Variants in MAPT observed in about 807,000 individuals in gnomAD.
MAPT encodes microtubule-associated protein tau.
A neutral mutation model predicts 67.9 loss-of-function variants in MAPT; 34 were observed. The ratio of observed to expected loss-of-function variants is 0.50; its 90% CI spans 0.38 to 0.67. MAPT has a LOEUF of 0.67. MAPT is among the 30% of genes least tolerant of loss of function. The pLI is 0.00. For missense variants in MAPT, 881 were observed against 1,115.2 expected, an observed-to-expected ratio of 0.79 and a Z score of 2.99; for synonymous variants, 456 against 464.5, an observed-to-expected ratio of 0.98 and a Z score of 0.23.
chr17:46,019,314 G>C (rs1023651819), intron 12 of MAPT, among the ~76,000 whole-genome samples: 1 of 152,096 alleles, frequency 6.6e-6, no homozygotes, highest in Non-Finnish European at 1.5e-5. Context: ...CTCCCACTGG[G>C]TCCCTCCCAT....
Position 45,996,381 on chromosome 17 carries a change from C to T in MAPT, c.1733-18C>T. On this transcript the variant is annotated intron_variant, in intron 8 of 12. Transcript: ENST00000262410. The surrounding 1 kb of genome is among the most constrained non-coding windows in gnomAD (Gnocchi z 4.5). ...CACCCACTCGAGTCCTGGCTTCACTCCCTTCCTTCCTTCCCAGGTGAACCT... is the reference window on the plus strand; with the variant it reads ...CACCCACTCGAGTCCTGGCTTCACTTCCTTCCTTCCTTCCCAGGTGAACCT... The T allele has an allele frequency of 1.2e-6, 2 of 1,609,552 alleles. No homozygotes were observed. The highest frequency in any genetic ancestry group is 1.7e-6 in the Non-Finnish European group (2 of 1,179,724).
At chr17:46,000,665 A>C (rs879369104) in intron 9 of MAPT, among the ~76,000 whole-genome samples, 1 of 152,010 alleles carries the variant, frequency 6.6e-6, no homozygotes, top group Admixed American at 6.5e-5. Flanking sequence ...CCTGGCTGAG[A>C]CTCAGTGGCC....
chr17:45,945,005 CTT>C (rs2068340847), intron 1 of MAPT, among the ~76,000 whole-genome samples: 1 of 152,230 alleles, frequency 6.6e-6, no homozygotes, highest in East Asian at 1.9e-4. Flanking sequence ...CTCAGCCTCT[CTT>C]TGCCTTGGTT....
intron 1 of MAPT, among the ~76,000 whole-genome samples, chr17:45,919,542 T>G (rs55760800): frequency 0.14 from 21,848 of 152,254 alleles, 2,144 homozygotes; most frequent in Middle Eastern, 0.22. Flanking sequence ...TTTACATGTT[T>G]CTACCTTCCC....
chr17:45,950,610 A>G (rs1039319604), intron 1 of MAPT, among the ~76,000 whole-genome samples: 2 of 152,262 alleles, frequency 1.3e-5, no homozygotes, highest in South Asian at 2.1e-4. Context: ...AAAAGTCACA[A>G]TAAAAAGGTC....
In MAPT at chr17:45,962,379, C is replaced by T. The variant is rs759306195; in HGVS notation, c.42C>T (p.His14=). 41 of 1,612,444 alleles carry T rather than the reference C, an allele frequency of 2.5e-5. No homozygotes were observed. The highest frequency in any genetic ancestry group is 2.0e-4 in the Middle Eastern group (1 of 4,906). Residue 14 remains histidine (H), a synonymous_variant, in exon 2 of 13, where the codon CAC becomes CAT. Transcript: ENST00000262410. The part of the protein sequence containing the change: ...PRQEFEVMED[H]AGTYGLGDRK... ...AGGAGTTCGAAGTGATGGAAGATCA[C>T]GCTGGGACGTACGGGTTGGGGGACA...
At position 45,915,161 on chromosome 17, in the gene MAPT, G is replaced by A. The variant is rs1343773014; in HGVS notation, c.-18+20475G>A. 6.6e-6 allele frequency among the ~76,000 whole-genome samples: 1 copy of A among 152,134 alleles called. No homozygotes were observed. The highest frequency in any genetic ancestry group is 1.5e-5 in the Non-Finnish European group (1 of 68,030). ...ATGACGAATGTCCCTGGTCACAAAA[G>A]CTCTGATCTGGCCTAACCCTGTCAT... On this transcript the variant is annotated intron_variant, in intron 1 of 12. Coordinates refer to ENST00000262410, the MANE Select transcript of MAPT (RefSeq NM_001377265.1). The surrounding 1 kb of genome is among the most constrained non-coding windows in gnomAD (Gnocchi z 4.4).
intron 1 of MAPT, among the ~76,000 whole-genome samples, chr17:45,937,328 C>T (rs1164850721): frequency 6.6e-6 from 1 of 152,134 alleles, no homozygotes; most frequent in Admixed American, 6.5e-5. Flanking sequence ...TGGCTCATGC[C>T]TGCAATCCTA....
intron 1 of MAPT, among the ~76,000 whole-genome samples, chr17:45,954,020 G>C (rs761683128): frequency 5.9e-5 from 9 of 151,660 alleles, no homozygotes; most frequent in Non-Finnish European, 1.2e-4. Context: ...CTTTTTTTTC[G>C]ATCGAAGAAA....
chr17:46,011,783 G>A (rs1186128809), intron 10 of MAPT, among the ~76,000 whole-genome samples: 2 of 152,118 alleles, frequency 1.3e-5, no homozygotes, highest in East Asian at 1.9e-4. Flanking sequence ...GCAGCCACCC[G>A]CATCCAGCCC....
At chr17:45,922,163 GCAC>G (rs1568167283) in intron 1 of MAPT, among the ~76,000 whole-genome samples, 2 of 151,884 alleles carry the variant, frequency 1.3e-5, no homozygotes, top group African/African-American at 4.8e-5. Context: ...CAAGCATGCA[GCAC>G]CACACCTGGC....
At chr17:45,899,061 C>T (rs533671470) in intron 1 of MAPT, among the ~76,000 whole-genome samples, 7 of 152,236 alleles carry the variant, frequency 4.6e-5, no homozygotes, top group African/African-American at 9.6e-5. Context: ...CAGCAGGTGA[C>T]GGGAAGAGAA....
At chr17:45,914,448 C>T (rs544162143) in intron 1 of MAPT, among the ~76,000 whole-genome samples, 4 of 152,192 alleles carry the variant, frequency 2.6e-5, no homozygotes, top group Non-Finnish European at 5.9e-5. Flanking sequence ...CGGAATGGAG[C>T]GGTCCGTCTG....
At chr17:45,940,223 C>T (rs189799677) in intron 1 of MAPT, among the ~76,000 whole-genome samples, 12 of 152,304 alleles carry the variant, frequency 7.9e-5, no homozygotes, top group Admixed American at 1.3e-4. Flanking sequence ...CTGTTTTCTG[C>T]GTTAATCTGG....
intron 8 of MAPT, chr17:45,993,935 G>T: frequency 6.3e-7 from 1 of 1,575,432 alleles, no homozygotes; most frequent in Non-Finnish European, 8.6e-7. Flanking sequence ...GACTAAGCAA[G>T]TCCAGAGAAG....
At chr17:46,014,371 G>A (rs775645355) in intron 11 of MAPT, 47 bp downstream of exon 11, 2 of 1,360,514 alleles carry the variant, frequency 1.5e-6, no homozygotes, top group African/African-American at 2.9e-5. Flanking sequence ...TGCAGGGGGT[G>A]GAGGAGTCCT....
rs1003944284 is a variant in MAPT, at chr17:45,897,095, G to A, written c.-18+2409G>A. On this transcript the variant is annotated intron_variant, in intron 1 of 12. Coordinates refer to ENST00000262410, the MANE Select transcript of MAPT (RefSeq NM_001377265.1). This position sits in a 1 kb window ranked among gnomAD's most constrained non-coding sequence, Gnocchi z 5.0. The stretch of plus-strand genomic sequence containing the variant: ...CTGGGTACTGCGAGGCTCCTCGCAT[G>A]GCTGGGCCCGCCGCGAGGGGTTGCA... 6.6e-6 allele frequency: 1 copy of A among 152,320 alleles called. No individual in the cohort carries two copies. Among genetic ancestry groups the A allele is most frequent in the Admixed American group, 6.5e-5 (1 of 15,284 alleles). 9.4% of individuals were successfully genotyped at this position (152,320 alleles called of 1,614,324 possible).
intron 9 of MAPT, among the ~76,000 whole-genome samples, chr17:46,009,209 AAAAAC>A (rs1390500729): frequency 6.6e-6 from 1 of 152,136 alleles, no homozygotes; most frequent in African/African-American, 2.4e-5. Context: ...CACAAAGAAA[AAAAAC>A]AAAACAAAAA....
Position 45,949,798 on chromosome 17 carries a change from G to A in MAPT, c.-17-12523G>A, listed in dbSNP as rs557926722. On this transcript the variant is annotated intron_variant, in intron 1 of 12. Coordinates refer to ENST00000262410, the MANE Select transcript of MAPT (RefSeq NM_001377265.1). The stretch of plus-strand genomic sequence containing the variant: ...TACCAAACTGTACTGCCTTGAGTAA[G>A]AAAGTTAGAAGGAATGGGAAGGATG... 2.6e-5 allele frequency among the ~76,000 whole-genome samples: 4 copies of A among 152,290 alleles called. No homozygotes were observed. In the East Asian group the frequency reaches 7.7e-4, roughly 29 times the overall value.
Sources: allele counts gnomAD v4.1 joint callset (sites outside exome capture counted in the v4.1 genomes callset), GRCh38; gene constraint gnomAD v4.1.1; non-coding constraint Gnocchi (gnomAD v3.1); transcripts MANE v1.5; gene names NCBI Gene and HGNC (gene_info 2026-07-23, HGNC 2026-07-21).